The following GUCY1A2 variants were observed in gnomAD, a reference collection of about 807,000 sequenced individuals.
The protein encoded by GUCY1A2 is guanylate cyclase 1 soluble subunit alpha 2.
Under a neutral mutation model 63.5 loss-of-function variants are expected in GUCY1A2, and 27 were observed. The observed-to-expected ratio is 0.43, with a 90% CI of 0.31 to 0.59. The LOEUF is 0.59. Among genes scored for constraint, GUCY1A2 ranks in the 20% least tolerant of loss-of-function variants. The pLI, the probability that GUCY1A2 is intolerant of heterozygous loss-of-function variation, is 0.11. For synonymous variants in GUCY1A2, 364 were observed against 343.5 expected, an observed-to-expected ratio of 1.06 and a Z score of -0.66; for missense variants, 768 against 913.3, an observed-to-expected ratio of 0.84 and a Z score of 2.05.
chr11:106,956,120 G>A (rs963510070), intron 3 of GUCY1A2, among the ~76,000 whole-genome samples: 2 of 151,670 alleles, frequency 1.3e-5, no homozygotes, highest in Non-Finnish European at 2.9e-5. Flanking sequence ...TTCTCATGCT[G>A]TGTTTTTCAG....
chr11:106,694,779 G>A (rs570938097), intron 7 of GUCY1A2, among the ~76,000 whole-genome samples: 4 of 152,258 alleles, frequency 2.6e-5, no homozygotes, highest in Admixed American at 6.5e-5. Flanking sequence ...AGGGGTAGGA[G>A]CTTGTGCACC....
chr11:106,913,951 G>A (rs1280647635), intron 4 of GUCY1A2, among the ~76,000 whole-genome samples: 1 of 137,194 alleles, frequency 7.3e-6, no homozygotes, highest in East Asian at 2.4e-4. Flanking sequence ...GCTAATGTTT[G>A]TTGGGTCATT....
intron 6 of GUCY1A2, among the ~76,000 whole-genome samples, chr11:106,774,004 C>T (rs1864305984): frequency 6.6e-6 from 1 of 152,188 alleles, no homozygotes; most frequent in South Asian, 2.1e-4. Context: ...ACCTCCCACA[C>T]CAAAAATTGA....
At chr11:106,720,614 G>A (rs1349199773) in intron 6 of GUCY1A2, among the ~76,000 whole-genome samples, 2 of 152,056 alleles carry the variant, frequency 1.3e-5, no homozygotes, top group South Asian at 4.1e-4. Flanking sequence ...GTCATGCAGT[G>A]TTATCAAGGG....
intron 6 of GUCY1A2, among the ~76,000 whole-genome samples, chr11:106,715,505 T>TAATC (rs1424491834): frequency 1.3e-5 from 2 of 152,202 alleles, no homozygotes; most frequent in African/African-American, 4.8e-5. Flanking sequence ...CCATCAGACT[T>TAATC]AATCAGATAA....
chr11:106,892,822 T>C (rs1440624232), intron 4 of GUCY1A2, among the ~76,000 whole-genome samples: 1 of 152,162 alleles, frequency 6.6e-6, no homozygotes. Flanking sequence ...AAGAAACTTG[T>C]ATTCAGCAAA....
At chr11:106,993,806 C>T (rs768385296) in intron 1 of GUCY1A2, among the ~76,000 whole-genome samples, 9 of 152,096 alleles carry the variant, frequency 5.9e-5, no homozygotes, top group Admixed American at 4.6e-4. Context: ...GGTTAAACAA[C>T]CTTCTCTGGG....
At chr11:106,797,551 A>T (rs1490463743) in intron 5 of GUCY1A2, among the ~76,000 whole-genome samples, 1 of 151,842 alleles carries the variant, frequency 6.6e-6, no homozygotes, top group African/African-American at 2.4e-5. Context: ...CCTCAACAGA[A>T]ATTATAACAA....
intron 6 of GUCY1A2, among the ~76,000 whole-genome samples, chr11:106,734,591 T>A (rs2135373944): frequency 6.6e-6 from 1 of 152,270 alleles, no homozygotes; most frequent in Middle Eastern, 3.4e-3. Context: ...TAGATATATT[T>A]TTTATTATAT....
intron 6 of GUCY1A2, among the ~76,000 whole-genome samples, chr11:106,766,565 GA>G (rs1864167188): frequency 7.7e-6 from 1 of 130,464 alleles, no homozygotes; most frequent in Non-Finnish European, 1.7e-5. Context: ...TGTAATTTTA[GA>G]AAACAAATAA....
intron 3 of GUCY1A2, among the ~76,000 whole-genome samples, chr11:106,960,461 A>G (rs1861044650): frequency 6.6e-6 from 1 of 152,252 alleles, no homozygotes; most frequent in African/African-American, 2.4e-5. Flanking sequence ...AGAACAGAGT[A>G]GTCTGCTATT....
At position 106,681,568 on chromosome 11, in the gene GUCY1A2, T is replaced by G. The variant is rs530783452; in HGVS notation, c.*5981A>C. On this transcript the variant is annotated 3_prime_UTR_variant, in exon 8 of 8. Transcript: ENST00000526355. ...AAATAATCTGATGTATATTAATCAC[T>G]TTACAGCATGTTTGCAAATGAATAA... 1.3e-4 allele frequency: 28 copies of G among 222,820 alleles called. No individual in the cohort carries two copies. Among genetic ancestry groups the G allele is most frequent in the Non-Finnish European group, 2.2e-4 (25 of 111,456 alleles). The allele number at this position is 222,820 out of a possible 1,614,324, so 13.8% of individuals were successfully genotyped here.
intron 1 of GUCY1A2, among the ~76,000 whole-genome samples, chr11:107,007,185 T>C (rs1235334878): frequency 6.6e-6 from 1 of 152,198 alleles, no homozygotes; most frequent in African/African-American, 2.4e-5. Flanking sequence ...TAGTCCTAAC[T>C]TTGAAAGCAT....
chr11:106,777,396 G>A (rs920344865), intron 5 of GUCY1A2, among the ~76,000 whole-genome samples: 3 of 146,510 alleles, frequency 2.0e-5, no homozygotes, highest in Admixed American at 6.9e-5. Flanking sequence ...GCAGTGAGCC[G>A]AGATTGCACC....
chr11:106,906,094 G>A (rs1394129469), intron 4 of GUCY1A2, among the ~76,000 whole-genome samples: 1 of 152,080 alleles, frequency 6.6e-6, no homozygotes, highest in Non-Finnish European at 1.5e-5. Flanking sequence ...GTGACAAATG[G>A]GATCTAATTA....
At chr11:106,767,635 T>C (rs1346685191) in intron 6 of GUCY1A2, among the ~76,000 whole-genome samples, 1 of 152,124 alleles carries the variant, frequency 6.6e-6, no homozygotes, top group African/African-American at 2.4e-5. Context: ...CTCATTGACA[T>C]ACACATCACA....
At position 106,685,844 on chromosome 11, in the gene GUCY1A2, TAACTC is replaced by T. The variant is rs980614986; in HGVS notation, c.*1700_*1704del. On this transcript the variant is annotated 3_prime_UTR_variant, in exon 8 of 8. Transcript: ENST00000526355. ...CTTGTAAACCCCCAGGGCAAGAAAA[TAACTC>T]AAATTATAAAAGGGATCAGGATTAT... 3 of 226,130 alleles carry T rather than the reference TAACTC, an allele frequency of 1.3e-5. No individual in the cohort carries two copies. The highest frequency in any genetic ancestry group is 2.6e-5 in the Non-Finnish European group (3 of 113,684). The allele number at this position is 226,130 out of a possible 1,614,324, so 14.0% of individuals were successfully genotyped here.
chr11:106,714,425 G>C (rs1324712983), intron 6 of GUCY1A2, among the ~76,000 whole-genome samples: 1 of 152,144 alleles, frequency 6.6e-6, no homozygotes, highest in African/African-American at 2.4e-5. Flanking sequence ...CATTTCTTCT[G>C]ATAATTTATT....
intron 4 of GUCY1A2, among the ~76,000 whole-genome samples, chr11:106,877,409 A>G (rs1859765033): frequency 6.6e-6 from 1 of 152,142 alleles, no homozygotes; most frequent in South Asian, 2.1e-4. Flanking sequence ...ATAGGGCTAC[A>G]GTAACCAAAA....
Sources: gnomAD v4.1 joint callset for allele counts (sites outside exome capture counted in the v4.1 genomes callset) on GRCh38, gnomAD v4.1.1 for gene constraint, MANE v1.5 for transcripts, NCBI Gene and HGNC (gene_info 2026-07-23, HGNC 2026-07-21) for gene names.